Variants in SOX5 observed in about 807,000 individuals in gnomAD.
The protein encoded by SOX5 is SRY-box transcription factor 5.
Under a neutral mutation model 92.0 loss-of-function variants are expected in SOX5, and 9 were observed. That is an observed-to-expected ratio of 0.10 (90% CI 0.06 to 0.17). The LOEUF (loss-of-function observed/expected upper bound fraction) is 0.17, where lower values mean the gene tolerates loss of function less well. SOX5 is among the 10% of genes least tolerant of loss of function. The pLI, the probability that SOX5 is intolerant of heterozygous loss-of-function variation, is 1.00. For missense variants in SOX5, 642 were observed against 944.5 expected, an observed-to-expected ratio of 0.68 and a Z score of 4.20; for synonymous variants, 344 against 336.3, an observed-to-expected ratio of 1.02 and a Z score of -0.25.
rs543911821 is a variant in SOX5, at chr12:23,532,070, C to G, written c.*2149G>C. 8.6e-5 allele frequency: 13 copies of G among 150,994 alleles called. 1 individual carries two copies. Among genetic ancestry groups the G allele is most frequent in the Admixed American group, 8.6e-4 (13 of 15,130 alleles). The allele number at this position is 150,994 out of a possible 1,614,324, so 9.4% of individuals were successfully genotyped here. A position where few individuals can be genotyped will look rare whatever the true frequency, so the allele number is the denominator to read the frequency against. On this transcript the variant is annotated 3_prime_UTR_variant, in exon 15 of 15. Transcript: ENST00000451604. ...GAGAAATAAAATAAATTATACATAA[C>G]TTACTAATCTGGGAACAGCTGACCA... is the stretch of plus-strand genomic sequence containing the variant.
At position 23,692,746 on chromosome 12, in the gene SOX5, C is replaced by T. The variant is rs377540700; in HGVS notation, c.811-27182G>A. On this transcript the variant is annotated intron_variant, in intron 6 of 14. Transcript: ENST00000451604. ...CTTGACCTTACAATTGAGAGGGGCACGGTAAATTTTTCCACAACAGTGGCT... is the reference window on the plus strand; with the variant it reads ...CTTGACCTTACAATTGAGAGGGGCATGGTAAATTTTTCCACAACAGTGGCT... 9.9e-5 allele frequency among the ~76,000 whole-genome samples: 15 copies of T among 152,204 alleles called. No homozygotes were observed. In the East Asian group the frequency reaches 1.5e-3, roughly 16 times the overall value.
chr12:24,490,149 T>C (rs1031816323), intron 1 of SOX5, among the ~76,000 whole-genome samples: 3 of 152,224 alleles, frequency 2.0e-5, no homozygotes, highest in Non-Finnish European at 4.4e-5. Context: ...GATGCTGCAA[T>C]GAAGAGAGGA....
intron 7 of SOX5, among the ~76,000 whole-genome samples, chr12:23,642,347 C>T (rs1340672028): frequency 6.6e-6 from 1 of 152,088 alleles, no homozygotes. Flanking sequence ...TATATAATGG[C>T]AGTTAAGACA....
chr12:24,268,649 G>C (rs936031745), intron 3 of SOX5, among the ~76,000 whole-genome samples: 3 of 152,154 alleles, frequency 2.0e-5, no homozygotes, highest in Non-Finnish European at 2.9e-5. Flanking sequence ...GAGAAATGTG[G>C]ATGAAATTGT....
chr12:23,911,073 C>T (rs2097346857), intron 1 of SOX5, among the ~76,000 whole-genome samples: 1 of 151,964 alleles, frequency 6.6e-6, no homozygotes, highest in Non-Finnish European at 1.5e-5. Context: ...ATAAATAATA[C>T]CTGCTAATGT....
In SOX5 at chr12:23,895,867, C is replaced by T. The variant is rs200092614; in HGVS notation, c.196G>A (p.Glu66Lys). 9.3e-6 allele frequency: 15 copies of T among 1,613,986 alleles called. No individual in the cohort carries two copies. Among genetic ancestry groups the T allele is most frequent in the Non-Finnish European group, 1.2e-5 (14 of 1,180,012 alleles). Residue 66 changes from glutamate to lysine, a missense_variant, in exon 2 of 15, where the codon GAA (glutamate) becomes AAA (lysine). Physicochemically the swap from Glu to Lys is moderately conservative, Grantham distance 56 (BLOSUM62 1). Transcript: ENST00000451604. ...GTCAGCAGAGAAACTGGCTGAAATTCCTCAGAGTGAGGCTTGTTGGGAAAA... is the reference window on the plus strand; with the variant it reads ...GTCAGCAGAGAAACTGGCTGAAATTTCTCAGAGTGAGGCTTGTTGGGAAAA... ...VSFPNKPHSE[E>K]FQPVSLLTQE...
chr12:23,678,815 A>C (rs1228247146), intron 6 of SOX5, among the ~76,000 whole-genome samples: 1 of 152,170 alleles, frequency 6.6e-6, no homozygotes, highest in East Asian at 1.9e-4. Flanking sequence ...GCCTACCTAC[A>C]AACTAGGCTT....
chr12:24,432,297 T>G (rs1005132995), intron 1 of SOX5, among the ~76,000 whole-genome samples: 20 of 152,196 alleles, frequency 1.3e-4, no homozygotes, highest in African/African-American at 3.9e-4. Context: ...AGATGGATAC[T>G]TCCAGTAAGC....
At chr12:24,046,308 A>G (rs1957020942) in intron 4 of SOX5, among the ~76,000 whole-genome samples, 1 of 152,208 alleles carries the variant, frequency 6.6e-6, no homozygotes, top group Non-Finnish European at 1.5e-5. Flanking sequence ...TGAACTCGAA[A>G]TGGAATCTGT....
intron 13 of SOX5, among the ~76,000 whole-genome samples, chr12:23,539,291 AATAAAT>A (rs1384649734): frequency 1.3e-5 from 2 of 152,216 alleles, no homozygotes; most frequent in African/African-American, 2.4e-5. Flanking sequence ...TTCATTCCTT[AATAAAT>A]ATATAGTAGT....
chr12:24,122,792 T>G (rs1948759800), intron 4 of SOX5, among the ~76,000 whole-genome samples: 1 of 152,228 alleles, frequency 6.6e-6, no homozygotes, highest in Non-Finnish European at 1.5e-5. Context: ...AAAAGTTTTT[T>G]AAAAGCAATT....
chr12:23,708,008 C>T (rs868194067), intron 6 of SOX5, among the ~76,000 whole-genome samples: 11 of 151,218 alleles, frequency 7.3e-5, no homozygotes, highest in African/African-American at 1.2e-4. Flanking sequence ...ATATATGGTG[C>T]GAAAACAAAA....
intron 6 of SOX5, among the ~76,000 whole-genome samples, chr12:23,708,235 C>A (rs1593492878): frequency 6.7e-6 from 1 of 148,740 alleles, no homozygotes; most frequent in Non-Finnish European, 1.5e-5. Flanking sequence ...AGAAATCAGG[C>A]CAGTTTGGCC....
intron 4 of SOX5, among the ~76,000 whole-genome samples, chr12:24,007,006 G>C (rs1416931957): frequency 6.6e-6 from 1 of 150,930 alleles, no homozygotes; most frequent in Non-Finnish European, 1.5e-5. Context: ...GATGACGCAT[G>C]TCTGTAATCC....
chr12:23,998,882 T>C (rs989794729), intron 4 of SOX5, among the ~76,000 whole-genome samples: 3 of 147,616 alleles, frequency 2.0e-5, no homozygotes, highest in Admixed American at 2.0e-4. Flanking sequence ...ACAAATTTAA[T>C]GAACAACATT....
At chr12:24,134,761 A>T (rs1949964759) in intron 4 of SOX5, among the ~76,000 whole-genome samples, 1 of 152,184 alleles carries the variant, frequency 6.6e-6, no homozygotes, top group Non-Finnish European at 1.5e-5. Flanking sequence ...AAGCTGCCCA[A>T]AGGAAAAGTA....
chr12:23,802,743 T>C (rs1346098813), intron 3 of SOX5, among the ~76,000 whole-genome samples: 1 of 152,186 alleles, frequency 6.6e-6, no homozygotes, highest in Non-Finnish European at 1.5e-5. Context: ...ACATCCTCCA[T>C]GGGTTTATAT....
chr12:24,182,031 T>G (rs1176589003), intron 4 of SOX5, among the ~76,000 whole-genome samples: 1 of 152,190 alleles, frequency 6.6e-6, no homozygotes, highest in African/African-American at 2.4e-5. Flanking sequence ...AGAATTAAGT[T>G]AGAAGTAAGT....
chr12:24,265,955 C>CA (rs1287219616), intron 3 of SOX5, among the ~76,000 whole-genome samples: 1 of 151,886 alleles, frequency 6.6e-6, no homozygotes, highest in Non-Finnish European at 1.5e-5. Flanking sequence ...AGTTGGAGTG[C>CA]AGTGGCATGA....
Sources: allele counts gnomAD v4.1 joint callset (sites outside exome capture counted in the v4.1 genomes callset), GRCh38; gene constraint gnomAD v4.1.1; transcripts MANE v1.5; gene names NCBI Gene and HGNC (gene_info 2026-07-23, HGNC 2026-07-21).